MTERF4: variants seen among roughly 807,000 people sequenced by gnomAD.
The protein encoded by MTERF4 is transcription termination factor 4, mitochondrial.
A neutral mutation model predicts 22.5 loss-of-function variants in MTERF4; 17 were observed. The ratio of observed to expected loss-of-function variants is 0.75; its 90% CI spans 0.52 to 1.13. The LOEUF is 1.13. Ranked by LOEUF, MTERF4 falls within the 50% of genes most tolerant of loss-of-function variation. MTERF4 has a pLI of 0.00. For synonymous variants in MTERF4, 165 were observed against 175.3 expected (o/e 0.94, Z 0.47); for missense variants, 420 against 466.8 (o/e 0.90, Z 0.92).
exon 5 of MTERF4, chr2:241,074,712 C>T (rs777517941): frequency 5.3e-5 from 8 of 152,156 alleles, no homozygotes; most frequent in African/African-American, 1.2e-4. Context: ...CCCCTCGATG[C>T]GCAAAGCCAG....
downstream of MTERF4, chr2:241,095,075 C>T (rs867559287): frequency 1.3e-5 from 1 of 79,584 alleles, no homozygotes; most frequent in East Asian, 3.2e-4. Context: ...CCCCCCCCCC[C>T]ACACCCACCT....
chr2:241,088,728 G>A (rs930381236), downstream of MTERF4: 1 of 360,054 alleles, frequency 2.8e-6, no homozygotes, highest in East Asian at 5.2e-5. Flanking sequence ...GAAGAGGCAG[G>A]GGGGTGGGCC....
chr2:241,079,761 C>T (rs1040373090), intron 4 of MTERF4, among the ~76,000 whole-genome samples: 1 of 151,986 alleles, frequency 6.6e-6, no homozygotes, highest in East Asian at 1.9e-4. Context: ...TCATTGCAAG[C>T]GATTTTAATA....
intron 3 of MTERF4, 169 bp downstream of exon 3, chr2:241,097,074 C>G (rs185544572): frequency 1.4e-6 from 1 of 706,816 alleles, no homozygotes; most frequent in African/African-American, 1.8e-5. Context: ...ATGAGGTGTC[C>G]GAGGCTTCTT....
chr2:241,049,776 C>T, the MTERF4 span: 43 of 1,495,780 alleles, frequency 2.9e-5, no homozygotes, highest in African/African-American at 1.5e-4. Context: ...CGCACAGATG[C>T]GGCGTAAGCT....
chr2:241,081,141 T>C (rs2063307954), intron 4 of MTERF4, among the ~76,000 whole-genome samples: 1 of 152,238 alleles, frequency 6.6e-6, no homozygotes, highest in South Asian at 2.1e-4. Context: ...CACGCATCCC[T>C]GGGCAGCAGC....
chr2:241,069,287 G>A (rs575999326), downstream of MTERF4, among the ~76,000 whole-genome samples: 5 of 152,252 alleles, frequency 3.3e-5, no homozygotes, highest in African/African-American at 9.6e-5. The surrounding 1 kb of genome is among the most constrained non-coding windows in gnomAD (Gnocchi z 4.9). Flanking sequence ...ACTGGACACC[G>A]ACCAGAGGGC....
intron 4 of MTERF4, among the ~76,000 whole-genome samples, chr2:241,077,636 A>G (rs2125278859): frequency 6.6e-6 from 1 of 152,294 alleles, no homozygotes; most frequent in South Asian, 2.1e-4. Flanking sequence ...TAAAATAAAG[A>G]GCTCTGACAA....
intron 4 of MTERF4, among the ~76,000 whole-genome samples, chr2:241,080,610 C>T (rs1337777029): frequency 2.0e-5 from 3 of 152,222 alleles, no homozygotes; most frequent in Admixed American, 6.5e-5. Flanking sequence ...GTCCTGAGGG[C>T]GGGGAGCCAA....
At chr2:241,063,725 C>CA in the MTERF4 span, 1 of 1,471,730 alleles carries the variant, frequency 6.8e-7, no homozygotes. Context: ...CAGTGGGCCC[C>CA]ACATGCAGAG....
At chr2:241,049,006 C>T in the MTERF4 span, 4 of 1,596,048 alleles carry the variant, frequency 2.5e-6, no homozygotes, top group African/African-American at 1.3e-5. Flanking sequence ...GATGGGGCTT[C>T]CTCCTTTCTC....
chr2:241,071,744 C>T (rs1234382572), downstream of MTERF4: 3 of 1,539,158 alleles, frequency 1.9e-6, no homozygotes, highest in East Asian at 7.3e-5. Context: ...CCATCGGCCC[C>T]ATCGCCCGAG....
the MTERF4 span, among the ~76,000 whole-genome samples, chr2:241,057,047 C>T: frequency 6.6e-6 from 1 of 151,978 alleles, no homozygotes; most frequent in South Asian, 2.1e-4. Context: ...TACATCAACC[C>T]ACAAATTCAA....
At chr2:241,046,862 G>A in the MTERF4 span, among the ~76,000 whole-genome samples, 1 of 152,092 alleles carries the variant, frequency 6.6e-6, no homozygotes, top group Non-Finnish European at 1.5e-5. Flanking sequence ...AAACCAAAAA[G>A]TAGCTGGCGT....
the MTERF4 span, among the ~76,000 whole-genome samples, chr2:241,061,216 C>A: frequency 6.6e-6 from 1 of 151,904 alleles, no homozygotes; most frequent in East Asian, 1.9e-4. Flanking sequence ...AAAAAACATG[C>A]ATAGGCATTT....
downstream of MTERF4, among the ~76,000 whole-genome samples, chr2:241,069,271 GTTCCT>G (rs997910472): frequency 1.3e-5 from 2 of 152,204 alleles, no homozygotes; most frequent in African/African-American, 4.8e-5. The surrounding 1 kb of genome is among the most constrained non-coding windows in gnomAD (Gnocchi z 4.9). Context: ...TCAGCATGGA[GTTCCT>G]ACTGGACACC....
the MTERF4 span, chr2:241,052,192 G>C: frequency 6.4e-7 from 1 of 1,573,382 alleles, no homozygotes; most frequent in Non-Finnish European, 8.7e-7. Context: ...AGGGCGGCCA[G>C]GGGTGAACCC....
downstream of MTERF4, chr2:241,094,620 C>A: frequency 2.8e-6 from 1 of 352,242 alleles, no homozygotes; most frequent in Non-Finnish European, 5.6e-6. The surrounding 1 kb of genome is among the most constrained non-coding windows in gnomAD (Gnocchi z 4.3). Flanking sequence ...CACGAGTGAA[C>A]AGTCACATTA....
the MTERF4 span, chr2:241,064,833 T>A: frequency 1.8e-5 from 29 of 1,570,730 alleles, no homozygotes; most frequent in Non-Finnish European, 2.5e-5. This position sits in a 1 kb window ranked among gnomAD's most constrained non-coding sequence, Gnocchi z 7.0. Context: ...TGCCACTTTT[T>A]CTCCCCTCAG....
Sources: allele counts gnomAD v4.1 joint callset (sites outside exome capture counted in the v4.1 genomes callset), GRCh38; gene constraint gnomAD v4.1.1; non-coding constraint Gnocchi (gnomAD v3.1); transcripts MANE v1.5; gene names NCBI Gene and HGNC (gene_info 2026-07-23, HGNC 2026-07-21).